MMD2: variants seen among roughly 807,000 people sequenced by gnomAD.
MMD2 encodes monocyte to macrophage differentiation associated 2.
A neutral mutation model predicts 33.5 loss-of-function variants in MMD2; 30 were observed. That is an observed-to-expected ratio of 0.90 (90% confidence interval 0.67 to 1.22). The LOEUF is 1.22. Ranked by LOEUF, MMD2 falls within the 50% of genes most tolerant of loss-of-function variation. The pLI, the probability that MMD2 is intolerant of heterozygous loss-of-function variation, is 0.00. For synonymous variants in MMD2, 129 were observed against 123.0 expected, an observed-to-expected ratio of 1.05 and a Z score of -0.32; for missense variants, 364 against 325.4, an observed-to-expected ratio of 1.12 and a Z score of -0.91.
chr7:4,938,131 C>G (rs1227071886), intron 1 of MMD2, among the ~76,000 whole-genome samples: 1 of 151,126 alleles, frequency 6.6e-6, no homozygotes, highest in Middle Eastern at 3.4e-3. Flanking sequence ...CTGCCTCAGC[C>G]TCCCCCATAG....
At position 4,907,641 on chromosome 7, in the gene MMD2, G is replaced by A. The variant is rs1438780207; in HGVS notation, c.538-42C>T. The stretch of plus-strand genomic sequence containing the variant: ...GGGTGGGGCACAGGTCAGAGGGGCA[G>A]TCAGTGTGGCTGAAAGCACCAGCCA... On this transcript the variant is annotated intron_variant, in intron 6 of 6. Coordinates refer to ENST00000401401, the MANE Select transcript of MMD2 (RefSeq NM_198403.4). 12 of 1,600,774 alleles carry A rather than the reference G, an allele frequency of 7.5e-6. No homozygotes were observed. The South Asian group carries it at 1.2e-4, about 16-fold the overall frequency.
intron 1 of MMD2, among the ~76,000 whole-genome samples, chr7:4,930,204 G>T (rs1785538498): frequency 6.7e-6 from 1 of 150,170 alleles, no homozygotes; most frequent in Non-Finnish European, 1.5e-5. Flanking sequence ...AGGAGGTGGA[G>T]GTTGCAGTGA....
intron 2 of MMD2, among the ~76,000 whole-genome samples, chr7:4,924,952 A>G (rs190990515): frequency 6.6e-4 from 101 of 152,060 alleles, no homozygotes; most frequent in African/African-American, 2.2e-3. Flanking sequence ...TGTTTTTGAG[A>G]CAGGGTCTTG....
At chr7:4,920,073 C>G (rs1224423127) in intron 3 of MMD2, 98 bp downstream of exon 3, 1 of 1,364,866 alleles carries the variant, frequency 7.3e-7, no homozygotes, top group African/African-American at 1.4e-5. Flanking sequence ...GAGAATGTCA[C>G]CAGGCAGACC....
downstream of MMD2, among the ~76,000 whole-genome samples, chr7:4,905,265 G>C (rs954654718): frequency 1.3e-5 from 2 of 150,554 alleles, no homozygotes; most frequent in African/African-American, 2.5e-5. The surrounding 1 kb of genome is among the most constrained non-coding windows in gnomAD (Gnocchi z 5.0). Context: ...AGAGGAGGAG[G>C]AGGAGGAAGA....
intron 3 of MMD2, among the ~76,000 whole-genome samples, chr7:4,918,569 C>T (rs1234728278): frequency 1.3e-5 from 2 of 151,218 alleles, no homozygotes; most frequent in African/African-American, 4.9e-5. Context: ...CTGCAACCTC[C>T]GCCTACCAGG....
intron 1 of MMD2, among the ~76,000 whole-genome samples, chr7:4,928,581 G>C (rs1447157306): frequency 6.6e-6 from 1 of 151,558 alleles, no homozygotes; most frequent in Non-Finnish European, 1.5e-5. Flanking sequence ...CTGACTCCAT[G>C]CTAAGTATAG....
chr7:4,911,536 G>T (rs1263239040), intron 4 of MMD2, among the ~76,000 whole-genome samples: 3 of 152,224 alleles, frequency 2.0e-5, no homozygotes, highest in African/African-American at 7.2e-5. Context: ...AAGCCTGTTT[G>T]GGGGCGATTG....
intron 2 of MMD2, among the ~76,000 whole-genome samples, chr7:4,923,670 C>T (rs1242472369): frequency 1.3e-5 from 2 of 152,104 alleles, no homozygotes; most frequent in African/African-American, 2.4e-5. Context: ...TGGCTTTGGG[C>T]AGATTCTCTC....
intron 1 of MMD2, among the ~76,000 whole-genome samples, chr7:4,955,156 T>C (rs1786349724): frequency 6.6e-6 from 1 of 152,218 alleles, no homozygotes. Flanking sequence ...CACACACAGC[T>C]TAAAACACCT....
At chr7:4,926,326 C>A (rs1342789332) in intron 1 of MMD2, among the ~76,000 whole-genome samples, 1 of 151,718 alleles carries the variant, frequency 6.6e-6, no homozygotes, top group African/African-American at 2.4e-5. Context: ...GTCCCGAACT[C>A]CAAGCGATCC....
At chr7:4,952,622 C>T (rs1231505020) in intron 1 of MMD2, among the ~76,000 whole-genome samples, 2 of 151,764 alleles carry the variant, frequency 1.3e-5, no homozygotes, top group Admixed American at 1.3e-4. Context: ...TTTTCAGATT[C>T]TCATAGGAGC....
intron 1 of MMD2, among the ~76,000 whole-genome samples, chr7:4,933,162 G>C (rs1001699180): frequency 6.6e-6 from 1 of 152,062 alleles, no homozygotes; most frequent in Non-Finnish European, 1.5e-5. Flanking sequence ...GATCGCTTGA[G>C]ACCAGCTTTG....
At chr7:4,937,998 C>CTT (rs1785791916) in intron 1 of MMD2, among the ~76,000 whole-genome samples, 1 of 62,722 alleles carries the variant, frequency 1.6e-5, no homozygotes, top group Non-Finnish European at 3.2e-5. Context: ...TTTTTTCTTT[C>CTT]TTTCTTTTTT....
chr7:4,945,410 A>C (rs918438793), intron 1 of MMD2, among the ~76,000 whole-genome samples: 11 of 150,574 alleles, frequency 7.3e-5, no homozygotes, highest in Non-Finnish European at 1.5e-4. Context: ...CTGGGACTAC[A>C]GGTGCCCGCC....
chr7:4,908,993 G>A (rs894811192), intron 6 of MMD2, among the ~76,000 whole-genome samples: 10 of 151,954 alleles, frequency 6.6e-5, no homozygotes, highest in African/African-American at 2.4e-4. Flanking sequence ...GCACGACAAT[G>A]TGAGTGTGCT....
intron 2 of MMD2, among the ~76,000 whole-genome samples, chr7:4,922,348 T>C (rs1326352520): frequency 6.6e-6 from 1 of 152,016 alleles, no homozygotes; most frequent in South Asian, 2.1e-4. Flanking sequence ...AGCAGGTAGA[T>C]CCCTTGAGGC....
chr7:4,939,213 C>G (rs185365996), intron 1 of MMD2, among the ~76,000 whole-genome samples: 14 of 145,940 alleles, frequency 9.6e-5, no homozygotes, highest in African/African-American at 3.6e-4. Flanking sequence ...AAAAAAAACC[C>G]AAAAAAAACA....
At chr7:4,911,038 T>A in intron 5 of MMD2, 107 bp downstream of exon 5, 1 of 943,148 alleles carries the variant, frequency 1.1e-6, no homozygotes, top group South Asian at 1.6e-5. Flanking sequence ...AGAGCTGTGC[T>A]CTCACGATTA....
Sources: gnomAD v4.1 joint callset for allele counts (sites outside exome capture counted in the v4.1 genomes callset) on GRCh38, gnomAD v4.1.1 for gene constraint, Gnocchi (gnomAD v3.1) non-coding constraint, MANE v1.5 for transcripts, NCBI Gene and HGNC (gene_info 2026-07-23, HGNC 2026-07-21) for gene names.